The following RSPO1 variants were observed in gnomAD, a reference collection of about 807,000 sequenced individuals.
RSPO1 encodes R-spondin-1.
A neutral mutation model predicts 26.0 loss-of-function variants in RSPO1; 18 were observed. The observed-to-expected ratio is 0.69, with a 90% CI of 0.48 to 1.03. The LOEUF is 1.03. Among genes scored for constraint, RSPO1 ranks in the 50% least tolerant of loss-of-function variants. The pLI is 0.00. For synonymous variants in RSPO1, 133 were observed against 137.4 expected (o/e 0.97, Z 0.22); for missense variants, 309 against 352.3 (o/e 0.88, Z 0.98).
chr1:37,623,863 G>A (rs574969213), intron 3 of RSPO1, among the ~76,000 whole-genome samples: 3 of 150,856 alleles, frequency 2.0e-5, no homozygotes, highest in Admixed American at 6.6e-5. Flanking sequence ...GGGTTCAAGC[G>A]ATTCTCCTGC....
Position 37,634,372 on chromosome 1 carries a change from C to T in RSPO1, c.-356+194G>A, listed in dbSNP as rs1644406404. 6.6e-6 allele frequency among the ~76,000 whole-genome samples: 1 copy of T among 152,104 alleles called. No individual in the cohort carries two copies. Among genetic ancestry groups the T allele is most frequent in the South Asian group, 2.1e-4 (1 of 4,818 alleles). On this transcript the variant is annotated intron_variant, in intron 1 of 6. Coordinates refer to ENST00000356545, the MANE Select transcript of RSPO1 (RefSeq NM_001242908.2). This position sits in a 1 kb window ranked among gnomAD's most constrained non-coding sequence, Gnocchi z 4.7. The stretch of plus-strand genomic sequence containing the variant: ...CTGCTGGATTGAGGGCCGACGGGGG[C>T]GGCAGACTTGCAGGAAGGGTGCAGG...
intron 4 of RSPO1, among the ~76,000 whole-genome samples, chr1:37,615,577 C>T (rs1242906822): frequency 1.3e-5 from 2 of 152,216 alleles, no homozygotes. Flanking sequence ...TCAATTGTGT[C>T]CTGTCTCCCT....
rs1238588945 is a variant in RSPO1, at chr1:37,634,722, G to A, written c.-512C>T. On this transcript the variant is annotated 5_prime_UTR_variant, in exon 1 of 7. Transcript: ENST00000356545. The surrounding 1 kb of genome is among the most constrained non-coding windows in gnomAD (Gnocchi z 4.7). ...ATCTGCGGACGGCTCACGCCCTCGG[G>A]GCCAGCGCCCCACCCGGCGCATCGG... 1 of 152,310 alleles carries A rather than the reference G, an allele frequency of 6.6e-6. No individual in the cohort carries two copies. Among genetic ancestry groups the A allele is most frequent in the Non-Finnish European group, 1.5e-5 (1 of 68,120 alleles). The allele number at this position is 152,310 out of a possible 1,614,324, so 9.4% of individuals were successfully genotyped here. A position where few individuals can be genotyped will look rare whatever the true frequency, so the allele number is the denominator to read the frequency against.
intron 3 of RSPO1, among the ~76,000 whole-genome samples, chr1:37,617,289 C>T (rs1280774033): frequency 6.6e-6 from 1 of 152,136 alleles, no homozygotes; most frequent in Non-Finnish European, 1.5e-5. Context: ...AATCATCCTA[C>T]AATGCATCGG....
At position 37,629,751 on chromosome 1, in the gene RSPO1, G is replaced by C. The variant is rs1328124487; in HGVS notation, c.-90C>G. ...GCTCTTGCTAACACCTCTGGGGCTG[G>C]GTCAGCAGCAGGAGGCCCAGGCCTG... On this transcript the variant is annotated 5_prime_UTR_variant, in exon 3 of 7. Coordinates refer to ENST00000356545, the MANE Select transcript of RSPO1 (RefSeq NM_001242908.2). 1 of 1,567,558 alleles carries C rather than the reference G, an allele frequency of 6.4e-7. No homozygotes were observed. The highest frequency in any genetic ancestry group is 1.4e-5 in the African/African-American group (1 of 73,496).
intron 3 of RSPO1, among the ~76,000 whole-genome samples, chr1:37,628,197 C>T (rs1436687031): frequency 1.3e-5 from 2 of 152,242 alleles, no homozygotes; most frequent in East Asian, 3.8e-4. Context: ...CTGTCTCTCT[C>T]TCTCTCTCAT....
intron 4 of RSPO1, among the ~76,000 whole-genome samples, chr1:37,615,007 A>G (rs1046117044): frequency 6.6e-6 from 1 of 152,132 alleles, no homozygotes; most frequent in Non-Finnish European, 1.5e-5. Context: ...TGGGTCTTCC[A>G]GGGCTTGGCT....
Position 37,614,314 on chromosome 1 carries a change from A to G in RSPO1, c.306T>C (p.Cys102=), listed in dbSNP as rs773899920. The G allele has an allele frequency of 1.2e-6, 2 of 1,613,730 alleles. No homozygotes were observed. Among genetic ancestry groups the G allele is most frequent in the Non-Finnish European group, 8.5e-7 (1 of 1,180,022 alleles). The change falls in exon 5 of 7, where the codon TGT becomes TGC. Residue 102 remains cysteine (C), a synonymous_variant. Transcript: ENST00000356545. ...NKCIKCKIEH[C]EACFSHNFCT... is the part of the protein sequence containing the mutation. ...AGAAGTTATGGCTGAAGCAGGCCTC[A>G]CAGTGCTCGATCTTGCATTCTGAGG...
chr1:37,621,308 A>C lies in RSPO1; in HGVS notation c.95-4633T>G, dbSNP rs531430813. Reference sequence around the variant, plus strand: ...CAGAAGGAATCAGTGGGAGGTTTACAACAGGAGACACAGTCAGGATTCTAT... The same window carrying C: ...CAGAAGGAATCAGTGGGAGGTTTACCACAGGAGACACAGTCAGGATTCTAT... On this transcript the variant is annotated intron_variant, in intron 3 of 6. Coordinates refer to ENST00000356545, the MANE Select transcript of RSPO1 (RefSeq NM_001242908.2). Among the ~76,000 whole-genome samples, 3 of 152,328 alleles carry C rather than the reference A, an allele frequency of 2.0e-5. No individual in the cohort carries two copies. In the East Asian group the frequency reaches 5.8e-4, roughly 29 times the overall value.
At chr1:37,623,479 G>T (rs1393372796) in intron 3 of RSPO1, among the ~76,000 whole-genome samples, 5 of 152,126 alleles carry the variant, frequency 3.3e-5, no homozygotes, top group Admixed American at 2.6e-4. Flanking sequence ...TGGATGTAGA[G>T]AGGCAGAGGG....
At chr1:37,618,796 T>C (rs1263817722) in intron 3 of RSPO1, among the ~76,000 whole-genome samples, 1 of 150,946 alleles carries the variant, frequency 6.6e-6, no homozygotes, top group Non-Finnish European at 1.5e-5. Context: ...GAGAAGCGAG[T>C]TGAGAGGGAA....
rs575919418 is a variant in RSPO1, at chr1:37,615,177, C to G, written c.287-844G>C. On this transcript the variant is annotated intron_variant, in intron 4 of 6. Coordinates refer to ENST00000356545, the MANE Select transcript of RSPO1 (RefSeq NM_001242908.2). ...AGGACCATGAGGACCAAGAGGGTAG[C>G]TCCCAGGGTCCCACCTCTGTCCTCA... 9.3e-4 allele frequency among the ~76,000 whole-genome samples: 142 copies of G among 152,290 alleles called. 1 individual carries two copies. The highest frequency in any genetic ancestry group is 3.3e-3 in the African/African-American group (137 of 41,560).
rs1409959768 is a variant in RSPO1, at chr1:37,612,790, TCCCTTGCTGCTG to T, written c.745_756del (p.Gln249_Gly252del). 6.2e-7 allele frequency: 1 copy of T among 1,612,588 alleles called. No individual in the cohort carries two copies. The highest frequency in any genetic ancestry group is 8.5e-7 in the Non-Finnish European group (1 of 1,180,010). Reference sequence around the variant, plus strand: ...CCTGCAGATGTGAGTGGCCCCACTGTCCCTTGCTGCTGCTGCTGTTGCTGCCCCTTGCGTCTT... The same window carrying T: ...CCTGCAGATGTGAGTGGCCCCACTGTCTGCTGTTGCTGCCCCTTGCGTCTT... On this transcript the variant is annotated inframe_deletion, in exon 7 of 7. Transcript: ENST00000356545.
At position 37,611,631 on chromosome 1, in the gene RSPO1, G is replaced by A. The variant is rs1644026165; in HGVS notation, c.*1124C>T. On this transcript the variant is annotated 3_prime_UTR_variant, in exon 7 of 7. Transcript: ENST00000356545. ...CCATCCACTGCCCTGCCTTTGGGCA[G>A]GATTGTCCCCAACCATCACTGGAAG... The A allele has an allele frequency of 6.6e-6, 1 of 152,650 alleles. No individual in the cohort carries two copies. The highest frequency in any genetic ancestry group is 2.1e-4 in the South Asian group (1 of 4,830). The allele number at this position is 152,650 out of a possible 1,614,324, so 9.5% of individuals were successfully genotyped here. A position where few individuals can be genotyped will look rare whatever the true frequency, so the allele number is the denominator to read the frequency against.
intron 1 of RSPO1, among the ~76,000 whole-genome samples, chr1:37,633,013 T>G (rs1323089194): frequency 1.3e-5 from 2 of 152,216 alleles, no homozygotes; most frequent in African/African-American, 4.8e-5. Flanking sequence ...CTCAGGTTAT[T>G]GGTGGGGGTA....
At position 37,629,779 on chromosome 1, in the gene RSPO1, C is replaced by T. The variant is rs994402721; in HGVS notation, c.-118G>A. The T allele has an allele frequency of 1.3e-6, 2 of 1,553,058 alleles. No homozygotes were observed. The highest frequency in any genetic ancestry group is 1.7e-6 in the Non-Finnish European group (2 of 1,147,758). On this transcript the variant is annotated 5_prime_UTR_variant, in exon 3 of 7. Transcript: ENST00000356545. ...CAGCAGCAGGAGGCCCAGGCCTGGGCCGTAGCCCAAATCCACCATAATCTC... is the reference window on the plus strand; with the variant it reads ...CAGCAGCAGGAGGCCCAGGCCTGGGTCGTAGCCCAAATCCACCATAATCTC...
At chr1:37,619,067 C>G (rs1644161003) in intron 3 of RSPO1, among the ~76,000 whole-genome samples, 1 of 152,056 alleles carries the variant, frequency 6.6e-6, no homozygotes. Flanking sequence ...ACTAAAGATA[C>G]ACAAAATTAG....
At chr1:37,619,777 T>G (rs917895314) in intron 3 of RSPO1, among the ~76,000 whole-genome samples, 16 of 151,664 alleles carry the variant, frequency 1.1e-4, no homozygotes, top group Admixed American at 2.0e-4. Flanking sequence ...TGAGACAGTC[T>G]CACTCAGTCA....
intron 4 of RSPO1, among the ~76,000 whole-genome samples, chr1:37,615,525 A>G (rs1644097948): frequency 6.6e-6 from 1 of 152,120 alleles, no homozygotes; most frequent in African/African-American, 2.4e-5. Flanking sequence ...CCAGTCATTT[A>G]CCCTCCGGGC....
Sources: allele counts gnomAD v4.1 joint callset (sites outside exome capture counted in the v4.1 genomes callset), GRCh38; gene constraint gnomAD v4.1.1; non-coding constraint Gnocchi (gnomAD v3.1); transcripts MANE v1.5; gene names NCBI Gene and HGNC (gene_info 2026-07-23, HGNC 2026-07-21).